The following FAM193A variants were observed in gnomAD, a reference collection of about 807,000 sequenced individuals.
FAM193A encodes the protein family with sequence similarity 193 member A.
In FAM193A, 22 loss-of-function variants were observed where a neutral mutation model predicts 126.5. The observed-to-expected ratio is 0.17, with a 90% CI of 0.12 to 0.25. FAM193A has a LOEUF of 0.25. Among genes scored for constraint, FAM193A ranks in the 10% least tolerant of loss-of-function variants. The pLI is 1.00. For missense variants in FAM193A, 1,675 were observed against 1,672.8 expected, an observed-to-expected ratio of 1.00 and a Z score of -0.02; for synonymous variants, 761 against 646.8, an observed-to-expected ratio of 1.18 and a Z score of -2.68.
chr4:2,720,236 G>C (rs1403123972), intron 20 of FAM193A, among the ~76,000 whole-genome samples: 1 of 152,140 alleles, frequency 6.6e-6, no homozygotes, highest in Non-Finnish European at 1.5e-5. Flanking sequence ...GGCTAAAGGA[G>C]TATAAAAGAG....
At chr4:2,633,356 G>T (rs1050415636) in intron 5 of FAM193A, among the ~76,000 whole-genome samples, 6 of 151,878 alleles carry the variant, frequency 4.0e-5, no homozygotes, top group Non-Finnish European at 8.8e-5. Flanking sequence ...CCAAGATTGT[G>T]CCAGTGCACT....
intron 20 of FAM193A, among the ~76,000 whole-genome samples, chr4:2,724,471 G>A (rs1720509834): frequency 6.6e-6 from 1 of 152,020 alleles, no homozygotes; most frequent in African/African-American, 2.4e-5. Flanking sequence ...TCTACTTTGA[G>A]TTACCATGTT....
chr4:2,571,118 C>T (rs530000127), intron 1 of FAM193A, among the ~76,000 whole-genome samples: 7 of 152,324 alleles, frequency 4.6e-5, no homozygotes, highest in South Asian at 2.1e-4. Flanking sequence ...ACTCCCTCCG[C>T]GGCCCCAGCC....
intron 20 of FAM193A, among the ~76,000 whole-genome samples, chr4:2,728,447 T>G (rs949413678): frequency 6.6e-6 from 1 of 152,096 alleles, no homozygotes; most frequent in African/African-American, 2.4e-5. Context: ...CCTGTCTCTT[T>G]AAATCTTCCA....
At chr4:2,664,322 A>G (rs1712837023) in intron 12 of FAM193A, among the ~76,000 whole-genome samples, 1 of 152,164 alleles carries the variant, frequency 6.6e-6, no homozygotes, top group South Asian at 2.1e-4. Flanking sequence ...TTGTTTCAGT[A>G]CGGTTTGTCA....
At position 2,577,411 on chromosome 4, in the gene FAM193A, G is replaced by GTTTTTTTTTTTT. The variant is rs67407606; in HGVS notation, c.256-18663_256-18662insTTTTTTTTTTTT. Among the ~76,000 whole-genome samples, 407 of 101,662 alleles carry GTTTTTTTTTTTT rather than the reference G, an allele frequency of 4.0e-3. 6 individuals carry two copies. Among genetic ancestry groups the GTTTTTTTTTTTT allele is most frequent in the Non-Finnish European group, 5.4e-3 (252 of 46,710 alleles). 66.7% of individuals were successfully genotyped at this position (101,662 alleles called of 152,430 possible). ...ACAATCTATTCACTCAATTAAAGTGGTTTTTTTTTTGTTTTTTTTTTTTTT... is the reference window on the plus strand; with the variant it reads ...ACAATCTATTCACTCAATTAAAGTGGTTTTTTTTTTTTTTTTTTTTTTGTTTTTTTTTTTTTT... On this transcript the variant is annotated intron_variant, in intron 1 of 20. Transcript: ENST00000637812.
chr4:2,676,280 A>G (rs1714395097), intron 13 of FAM193A, among the ~76,000 whole-genome samples: 1 of 152,112 alleles, frequency 6.6e-6, no homozygotes, highest in East Asian at 1.9e-4. Flanking sequence ...CCTCATTAAC[A>G]CTTGTTATTT....
chr4:2,710,158 T>TC (rs1718755289), intron 19 of FAM193A, among the ~76,000 whole-genome samples: 1 of 134,708 alleles, frequency 7.4e-6, no homozygotes, highest in Admixed American at 7.3e-5. Context: ...CTGTTCTTCT[T>TC]TTGTTTTTTT....
At chr4:2,628,605 C>A (rs891261469) in intron 4 of FAM193A, among the ~76,000 whole-genome samples, 1 of 152,092 alleles carries the variant, frequency 6.6e-6, no homozygotes, top group Non-Finnish European at 1.5e-5. Context: ...CCACTGCACA[C>A]CAGCCTGGGC....
Position 2,596,176 on chromosome 4 carries a change from A to G in FAM193A, c.348A>G (p.Ser116=). Residue 116 remains serine, a synonymous_variant, in exon 2 of 21, where the codon TCA becomes TCG. Transcript: ENST00000637812. The part of the protein sequence containing the change: ...LLCRSERKDS[S]FLESGIKTAS... The stretch of plus-strand genomic sequence containing the variant: ...GCAGAAGTGAACGGAAAGACTCATC[A>G]TTCTTAGAGAGTGGAATTAAGACTG... 1 of 702,978 alleles carries G rather than the reference A, an allele frequency of 1.4e-6. No homozygotes were observed. The highest frequency in any genetic ancestry group is 1.5e-5 in the South Asian group (1 of 67,606). 43.5% of individuals were successfully genotyped at this position (702,978 alleles called of 1,614,324 possible). A position where few individuals can be genotyped will look rare whatever the true frequency, so the allele number is the denominator to read the frequency against.
intron 1 of FAM193A, among the ~76,000 whole-genome samples, chr4:2,558,925 C>T (rs1578593934): frequency 6.6e-6 from 1 of 152,152 alleles, no homozygotes; most frequent in Admixed American, 6.6e-5. Flanking sequence ...TGCTTGAACC[C>T]AGAGGGTGGA....
intron 19 of FAM193A, among the ~76,000 whole-genome samples, chr4:2,709,666 GC>G (rs147149113): frequency 0.014 from 2,128 of 152,160 alleles, 44 homozygotes; most frequent in African/African-American, 0.049. Flanking sequence ...CCGAGAACAC[GC>G]CACTGCACTC....
intron 13 of FAM193A, among the ~76,000 whole-genome samples, chr4:2,674,506 G>GA (rs1466709319): frequency 2.0e-5 from 3 of 152,194 alleles, no homozygotes; most frequent in African/African-American, 7.2e-5. Context: ...GGTGGGTGCT[G>GA]AACGTGGAGG....
chr4:2,712,829 G>A (rs183603006), intron 19 of FAM193A, among the ~76,000 whole-genome samples: 146 of 152,148 alleles, frequency 9.6e-4, no homozygotes, highest in African/African-American at 3.1e-3. Context: ...GGGGCTGGGC[G>A]TGGTGGCTCA....
intron 4 of FAM193A, 77 bp downstream of exon 4, chr4:2,626,654 G>A: frequency 1.5e-6 from 1 of 648,606 alleles, no homozygotes. Flanking sequence ...ACTCCTTTCA[G>A]GATGGGCTTT....
chr4:2,616,048 G>C (rs897711728), intron 2 of FAM193A, among the ~76,000 whole-genome samples: 10 of 152,076 alleles, frequency 6.6e-5, no homozygotes, highest in African/African-American at 2.4e-4. Context: ...CAATCCGCCC[G>C]CCTCAGCCTC....
At chr4:2,617,256 A>ATTTTT (rs1560484808) in intron 2 of FAM193A, among the ~76,000 whole-genome samples, 2 of 38,232 alleles carry the variant, frequency 5.2e-5, no homozygotes, top group African/African-American at 2.7e-4. Flanking sequence ...ATATATATAT[A>ATTTTT]TATATATTTT....
chr4:2,618,107 T>C lies in FAM193A; in HGVS notation c.502-7155T>C, dbSNP rs1044195332. Among the ~76,000 whole-genome samples the C allele has an allele frequency of 2.0e-5, 3 of 152,150 alleles. No individual in the cohort carries two copies. The East Asian group carries it at 5.8e-4, about 29-fold the overall frequency. On this transcript the variant is annotated intron_variant, in intron 2 of 20. Coordinates refer to ENST00000637812, the MANE Select transcript of FAM193A (RefSeq NM_001366318.2). ...TGTGATGAGAAACACGTTGTCGTCC[T>C]TATCTTTGCTCCTGCATATGTAAGG...
At chr4:2,696,664 C>T in intron 18 of FAM193A, 71 bp downstream of exon 18, 2 of 1,230,892 alleles carry the variant, frequency 1.6e-6, no homozygotes, top group South Asian at 1.3e-5. Flanking sequence ...CCACGCCAGT[C>T]TCTAGGCAGG....
Sources: allele counts gnomAD v4.1 joint callset (sites outside exome capture counted in the v4.1 genomes callset), GRCh38; gene constraint gnomAD v4.1.1; transcripts MANE v1.5; gene names NCBI Gene and HGNC (gene_info 2026-07-23, HGNC 2026-07-21).